LITAF: variants seen among roughly 807,000 people sequenced by gnomAD.
LITAF encodes lipopolysaccharide induced TNF factor.
LITAF carries 9 observed loss-of-function variants against 14.5 expected under a neutral mutation model. The observed-to-expected ratio is 0.62, with a 90% confidence interval of 0.37 to 1.08. The LOEUF is 1.08. Among genes scored for constraint, LITAF ranks in the 50% least tolerant of loss-of-function variants. The probability of loss-of-function intolerance (pLI) is 0.01; values close to 1 mark genes in which losing one functional copy is unlikely to be tolerated. For synonymous variants in LITAF, 98 were observed against 88.2 expected (o/e 1.11, Z -0.62); for missense variants, 206 against 213.4 (o/e 0.97, Z 0.22).
At chr16:11,597,967 C>A (rs569823116) in intron 1 of LITAF, among the ~76,000 whole-genome samples, 14 of 152,240 alleles carry the variant, frequency 9.2e-5, no homozygotes, top group Admixed American at 4.6e-4. Flanking sequence ...AGTGCAGTGG[C>A]GCTATCATAG....
rs556174467 is a variant in LITAF at position 11,549,004 on chromosome 16, G to A, written c.*633C>T. ...CCCTATTTTTCTAGCATGCATTTAC[G>A]ACCTTGTGGATATGTCTGTACTGGG... is the stretch of plus-strand genomic sequence containing the variant. On this transcript the variant is annotated 3_prime_UTR_variant, in exon 4 of 4. Coordinates refer to ENST00000622633, the MANE Select transcript of LITAF (RefSeq NM_001136472.2). The surrounding 1 kb of genome is among the most constrained non-coding windows in gnomAD (Gnocchi z 4.6). 4.0e-5 allele frequency: 18 copies of A among 453,686 alleles called. No homozygotes were observed. The highest frequency in any genetic ancestry group is 6.9e-5 in the East Asian group (1 of 14,400). The allele number at this position is 453,686 out of a possible 1,614,324, so 28.1% of individuals were successfully genotyped here. A position where few individuals can be genotyped will look rare whatever the true frequency, so the allele number is the denominator to read the frequency against.
intron 1 of LITAF, among the ~76,000 whole-genome samples, chr16:11,562,970 A>G (rs1286472085): frequency 3.3e-5 from 5 of 151,868 alleles, no homozygotes; most frequent in Non-Finnish European, 7.4e-5. Context: ...TTTAATTAAA[A>G]AATATATATT....
intron 1 of LITAF, among the ~76,000 whole-genome samples, chr16:11,581,377 A>C (rs2141830198): frequency 6.6e-6 from 1 of 152,320 alleles, no homozygotes; most frequent in East Asian, 1.9e-4. Context: ...CTTTGGGGTG[A>C]GGCTCATGCC....
At chr16:11,630,913 G>T (rs922143318) in intron 3 of LITAF, among the ~76,000 whole-genome samples, 1 of 152,116 alleles carries the variant, frequency 6.6e-6, no homozygotes, top group Non-Finnish European at 1.5e-5. Flanking sequence ...TACCTTTGAT[G>T]CATGGACAAG....
At chr16:11,576,001 C>A (rs1435004052) in intron 1 of LITAF, among the ~76,000 whole-genome samples, 1 of 152,088 alleles carries the variant, frequency 6.6e-6, no homozygotes. Context: ...CCACTTCAGC[C>A]TCTCGACCAG....
chr16:11,638,701 C>CAAAAAAAAAAAAAAAAAA (rs57170972), upstream of LITAF, among the ~76,000 whole-genome samples: 1 of 75,952 alleles, frequency 1.3e-5, no homozygotes, highest in African/African-American at 3.5e-5. Context: ...GACTCTGTCT[C>CAAAAAAAAAAAAAAAAAA]AAAAAAAAAA....
At chr16:11,563,224 T>C (rs1342379776) in intron 1 of LITAF, among the ~76,000 whole-genome samples, 1 of 152,050 alleles carries the variant, frequency 6.6e-6, no homozygotes, top group Non-Finnish European at 1.5e-5. Context: ...TCTTGGCTCA[T>C]GGCAACCTCC....
At chr16:11,617,702 G>C (rs1056450414) in intron 3 of LITAF, among the ~76,000 whole-genome samples, 1 of 152,052 alleles carries the variant, frequency 6.6e-6, no homozygotes, top group Non-Finnish European at 1.5e-5. Context: ...TGGGATTACA[G>C]GGGTGAGTCA....
chr16:11,630,277 A>T (rs1282855138), intron 3 of LITAF, among the ~76,000 whole-genome samples: 1 of 152,172 alleles, frequency 6.6e-6, no homozygotes, highest in Non-Finnish European at 1.5e-5. Context: ...GGTTTGGGGC[A>T]CAAAGCTGGG....
intron 3 of LITAF, among the ~76,000 whole-genome samples, chr16:11,619,014 A>C (rs550524377): frequency 7.1e-5 from 10 of 141,388 alleles, no homozygotes; most frequent in South Asian, 4.5e-4. Flanking sequence ...AACAAACAAA[A>C]AAAACCCCAG....
chr16:11,596,301 C>T (rs867618400), intron 1 of LITAF, among the ~76,000 whole-genome samples: 5 of 152,014 alleles, frequency 3.3e-5, no homozygotes, highest in Admixed American at 1.3e-4. Context: ...GCAGGAAGAG[C>T]GTGTTCTCAG....
chr16:11,623,935 C>G (rs1567266855), intron 3 of LITAF, among the ~76,000 whole-genome samples: 1 of 152,040 alleles, frequency 6.6e-6, no homozygotes, highest in African/African-American at 2.4e-5. Context: ...CCATTGCACT[C>G]CAGCCTGGGT....
chr16:11,631,001 C>G (rs576785910), intron 3 of LITAF, among the ~76,000 whole-genome samples: 1 of 152,316 alleles, frequency 6.6e-6, no homozygotes, highest in African/African-American at 2.4e-5. Flanking sequence ...TAAGCACTGT[C>G]TGCTTATTTT....
rs142205859 is a variant in LITAF at position 11,572,463 on chromosome 16, A to T, written c.-6+14423T>A. ...GAGAAGTCACATGACATCACACACC[A>T]GCGAGAAGTCACATGACATCACACA... On this transcript the variant is annotated intron_variant, in intron 1 of 3. Transcript: ENST00000622633. Among the ~76,000 whole-genome samples, 1,190 of 151,584 alleles carry T rather than the reference A, an allele frequency of 7.9e-3. 17 individuals carry two copies. Among genetic ancestry groups the T allele is most frequent in the African/African-American group, 0.027 (1,122 of 40,942 alleles).
rs558869236 is a variant in LITAF at position 11,562,114 on chromosome 16, T to A, written c.-5-5379A>T. Among the ~76,000 whole-genome samples, 25 of 151,100 alleles carry A rather than the reference T, an allele frequency of 1.7e-4. 1 individual carries two copies. The highest frequency in any genetic ancestry group is 6.1e-4 in the African/African-American group (25 of 41,184). ...TTTTTAATTTTACTTAGAGACAGGG[T>A]CTTGCTAAGCTGCCCAGGATGGTCA... On this transcript the variant is annotated intron_variant, in intron 1 of 3. Transcript: ENST00000622633.
intron 1 of LITAF, among the ~76,000 whole-genome samples, chr16:11,596,258 G>C (rs1276169023): frequency 6.6e-6 from 1 of 152,072 alleles, no homozygotes; most frequent in Non-Finnish European, 1.5e-5. Flanking sequence ...TGAGGCCCGG[G>C]TTACCTGCTT....
At chr16:11,638,557 C>T (rs1024307855), upstream of LITAF, among the ~76,000 whole-genome samples, 6 of 151,336 alleles carry the variant, frequency 4.0e-5, no homozygotes, top group African/African-American at 1.2e-4. Flanking sequence ...AAAAATTAGC[C>T]GGGCGTGGTG....
rs1211771824 is a variant in LITAF, at chr16:11,549,327, C to T, written c.*310G>A. 1 of 463,594 alleles carries T rather than the reference C, an allele frequency of 2.2e-6. No homozygotes were observed. The highest frequency in any genetic ancestry group is 2.3e-5 in the Admixed American group (1 of 42,924). 28.7% of individuals were successfully genotyped at this position (463,594 alleles called of 1,614,324 possible). A position where few individuals can be genotyped will look rare whatever the true frequency, so the allele number is the denominator to read the frequency against. ...AAAAAGAGCCACTGATGGCAGATCA[C>T]AGGAAGATATTCGGATAGGGCAATG... On this transcript the variant is annotated 3_prime_UTR_variant, in exon 4 of 4. Coordinates refer to ENST00000622633, the MANE Select transcript of LITAF (RefSeq NM_001136472.2). The surrounding 1 kb of genome is among the most constrained non-coding windows in gnomAD (Gnocchi z 4.6).
chr16:11,564,424 G>C (rs1207209771), intron 1 of LITAF, among the ~76,000 whole-genome samples: 1 of 152,166 alleles, frequency 6.6e-6, no homozygotes, highest in East Asian at 1.9e-4. Flanking sequence ...CTCTGGAATA[G>C]GCCAGTGCAA....
Sources: allele counts gnomAD v4.1 joint callset (sites outside exome capture counted in the v4.1 genomes callset), GRCh38; gene constraint gnomAD v4.1.1; non-coding constraint Gnocchi (gnomAD v3.1); transcripts MANE v1.5; gene names NCBI Gene and HGNC (gene_info 2026-07-23, HGNC 2026-07-21).